The following SLC5A12 variants were observed in gnomAD, a reference collection of about 807,000 sequenced individuals.
SLC5A12 encodes the protein solute carrier family 5 member 12.
SLC5A12 carries 46 observed loss-of-function variants against 72.7 expected under a neutral mutation model. The observed-to-expected ratio is 0.63, with a 90% CI of 0.50 to 0.81. The LOEUF (loss-of-function observed/expected upper bound fraction) is 0.81, where lower values mean the gene tolerates loss of function less well. SLC5A12 is among the 30% of genes least tolerant of loss of function. The probability of loss-of-function intolerance (pLI) is 0.00; values close to 1 mark genes in which losing one functional copy is unlikely to be tolerated. For missense variants in SLC5A12, 683 were observed against 740.7 expected (o/e 0.92, Z 0.90); for synonymous variants, 275 against 264.4 (o/e 1.04, Z -0.39).
At chr11:26,695,314 CA>C (rs1222471200) in intron 8 of SLC5A12, among the ~76,000 whole-genome samples, 1 of 152,012 alleles carries the variant, frequency 6.6e-6, no homozygotes, top group Non-Finnish European at 1.5e-5. Context: ...TTCAAGTCAG[CA>C]GTGAAAAGAT....
At position 26,721,728 on chromosome 11, in the gene SLC5A12, A is replaced by G; in HGVS notation, c.-14T>C. On this transcript the variant is annotated 5_prime_UTR_variant, in exon 1 of 15. Transcript: ENST00000396005. ...CTTCACCTCCATATTGGAAAGTATG[A>G]CACCAGAGAGTTTCTTTCAACGAGG... is the stretch of plus-strand genomic sequence containing the variant. 6.2e-7 allele frequency: 1 copy of G among 1,602,094 alleles called. No homozygotes were observed. Among genetic ancestry groups the G allele is most frequent in the East Asian group, 2.2e-5 (1 of 44,790 alleles).
rs1273009501 is a variant in SLC5A12, at chr11:26,678,692, A to C, written c.1579+20T>G. 6.3e-7 allele frequency: 1 copy of C among 1,580,894 alleles called. No individual in the cohort carries two copies. The highest frequency in any genetic ancestry group is 2.2e-5 in the East Asian group (1 of 44,626). ...GAGCCCATATCTTCTTTAGTCCCAA[A>C]GGGAGGAATTATAACCAACCTGTTA... On this transcript the variant is annotated intron_variant, in intron 13 of 14. Transcript: ENST00000396005.
intron 6 of SLC5A12, among the ~76,000 whole-genome samples, chr11:26,699,172 A>G (rs1205509927): frequency 6.6e-6 from 1 of 152,190 alleles, no homozygotes; most frequent in African/African-American, 2.4e-5. Context: ...TGTTGTATTC[A>G]TTACTGTCCT....
At chr11:26,677,208 C>A (rs562743211) in intron 13 of SLC5A12, among the ~76,000 whole-genome samples, 4 of 151,882 alleles carry the variant, frequency 2.6e-5, no homozygotes, top group Non-Finnish European at 5.9e-5. Flanking sequence ...TTAGAGTGTT[C>A]GCTTTTGGCC....
chr11:26,715,554 G>A (rs1002977747), intron 1 of SLC5A12, among the ~76,000 whole-genome samples: 2 of 152,046 alleles, frequency 1.3e-5, no homozygotes, highest in African/African-American at 4.8e-5. Context: ...GTTTCACGTT[G>A]CCACTTGTCT....
At chr11:26,709,436 AG>A in intron 3 of SLC5A12, 57 bp from the exon 4 acceptor site, 1 of 1,287,226 alleles carries the variant, frequency 7.8e-7, no homozygotes, top group Non-Finnish European at 1.1e-6. Context: ...TAAAAGAGCA[AG>A]TTTTATGAGG....
chr11:26,683,670 G>C, intron 11 of SLC5A12, 87 bp downstream of exon 11: 1 of 1,084,814 alleles, frequency 9.2e-7, no homozygotes, highest in Non-Finnish European at 1.4e-6. Flanking sequence ...AAGACAGATA[G>C]CTTTTCTAAA....
chr11:26,721,638 AC>A lies in SLC5A12; in HGVS notation c.76del (p.Val26CysfsTer23). 6.2e-7 allele frequency: 1 copy of A among 1,614,096 alleles called. No individual in the cohort carries two copies. Among genetic ancestry groups the A allele is most frequent in the Non-Finnish European group, 8.5e-7 (1 of 1,180,014 alleles). On this transcript the variant is annotated frameshift_variant, in exon 1 of 15. Coordinates refer to ENST00000396005, the MANE Select transcript of SLC5A12 (RefSeq NM_178498.4). LOFTEE classifies it high-confidence loss of function. ...TTTTCTCTCCTTAATGGCAAAGAAC[AC>A]CCCAATTCCAGAGGAAATGAAAAAG... is the stretch of plus-strand genomic sequence containing the variant. ...ALFFISSGIG[V>X]FFAIKERKKA...
At chr11:26,675,759 G>T (rs1325409575) in intron 13 of SLC5A12, among the ~76,000 whole-genome samples, 2 of 152,096 alleles carry the variant, frequency 1.3e-5, no homozygotes, top group African/African-American at 4.8e-5. Flanking sequence ...TTCCCCACAT[G>T]GTCCCTCTAC....
chr11:26,674,475 A>G (rs1485260999), intron 13 of SLC5A12, among the ~76,000 whole-genome samples: 4 of 151,994 alleles, frequency 2.6e-5, no homozygotes, highest in African/African-American at 9.7e-5. Context: ...TCTCGGCTCA[A>G]TGCAACCTCC....
chr11:26,699,768 T>C (rs1854914630), intron 6 of SLC5A12, among the ~76,000 whole-genome samples: 3 of 152,214 alleles, frequency 2.0e-5, no homozygotes, highest in African/African-American at 7.2e-5. Flanking sequence ...TGCTCTCTTG[T>C]CAGTTTCTAC....
chr11:26,670,160 C>T lies in SLC5A12; in HGVS notation c.*942G>A, dbSNP rs7945764. The T allele has an allele frequency of 0.28, 42,859 of 151,958 alleles. 6,216 individuals carry two copies. Among genetic ancestry groups the T allele is most frequent in the East Asian group, 0.46 (2,382 of 5,146 alleles). 9.4% of individuals were successfully genotyped at this position (151,958 alleles called of 1,614,324 possible). A position where few individuals can be genotyped will look rare whatever the true frequency, so the allele number is the denominator to read the frequency against. ...AGCTTGCTCACATGAGTTGAATGAG[C>T]AGAGTACAAGTCTTATGGACAATGT... is the stretch of plus-strand genomic sequence containing the variant. On this transcript the variant is annotated 3_prime_UTR_variant, in exon 15 of 15. Transcript: ENST00000396005.
At chr11:26,720,191 C>T (rs1193523268) in intron 1 of SLC5A12, among the ~76,000 whole-genome samples, 4 of 152,054 alleles carry the variant, frequency 2.6e-5, no homozygotes, top group South Asian at 4.2e-4. Flanking sequence ...CCTAGGGCTA[C>T]GAGAATGCCT....
At position 26,668,494 on chromosome 11, in the gene SLC5A12, G is replaced by T. The variant is rs1216660798; in HGVS notation, c.*2608C>A. Reference sequence around the variant, plus strand: ...GTCTTTGTACTGCACCAGTGGCCTTGGCATGACTCTGGGCTGCTAATCCTA... The same window carrying T: ...GTCTTTGTACTGCACCAGTGGCCTTTGCATGACTCTGGGCTGCTAATCCTA... On this transcript the variant is annotated 3_prime_UTR_variant, in exon 15 of 15. Transcript: ENST00000396005. The T allele has an allele frequency of 2.0e-5, 3 of 152,088 alleles. No individual in the cohort carries two copies. Among genetic ancestry groups the T allele is most frequent in the Non-Finnish European group, 4.4e-5 (3 of 68,018 alleles). The allele number at this position is 152,088 out of a possible 1,614,324, so 9.4% of individuals were successfully genotyped here.
At chr11:26,698,684 CT>C (rs1854887595) in intron 6 of SLC5A12, 149 bp from the exon 7 acceptor site, 1 of 622,702 alleles carries the variant, frequency 1.6e-6, no homozygotes, top group Admixed American at 3.7e-5. Flanking sequence ...ACACTTTATA[CT>C]TTTGCTATTT....
rs777025065 is a variant in SLC5A12 at position 26,712,675 on chromosome 11, C to T, written c.371G>A (p.Arg124His). The T allele has an allele frequency of 1.8e-5, 29 of 1,588,418 alleles. 1 individual carries two copies. Among genetic ancestry groups the T allele is most frequent in the East Asian group, 6.7e-5 (3 of 44,514 alleles). ...YLQLRFNKPV[R>H]YAATVIYIVQ... The stretch of plus-strand genomic sequence containing the variant: ...AATGTAGATGACCGTGGCAGCATAG[C>T]GAACTGGTTTGTTGAATCGTAGTTG... Residue 124 changes from arginine to histidine, a missense_variant, in exon 2 of 15, where the codon CGC (arginine) becomes CAC (histidine). Physicochemically the swap from Arg to His is conservative, Grantham distance 29 (BLOSUM62 0). Coordinates refer to ENST00000396005, the MANE Select transcript of SLC5A12 (RefSeq NM_178498.4).
chr11:26,716,406 T>A (rs909179675), intron 1 of SLC5A12: 1 of 152,202 alleles, frequency 6.6e-6, no homozygotes, highest in East Asian at 1.9e-4. Flanking sequence ...TCTGAAAGAA[T>A]TTATCCACTT....
intron 6 of SLC5A12, 127 bp from the exon 7 acceptor site, chr11:26,698,662 T>A: frequency 1.2e-6 from 1 of 804,690 alleles, no homozygotes; most frequent in East Asian, 2.7e-5. Flanking sequence ...TCTATAGCCT[T>A]TAAGAATCAC....
chr11:26,703,554 G>C lies in SLC5A12; in HGVS notation c.798C>G (p.Cys266Trp). The stretch of plus-strand genomic sequence containing the variant: ...ACAGCTTAGCATGCTTTTCTGTTTT[G>C]CAAGAGATGCATCGCTGAATAGTTG... ...NQSTIQRCISCKTEKHAKLAL... is the reference protein window; with the variant it reads ...NQSTIQRCISWKTEKHAKLAL... The change falls in exon 6 of 15, where the codon TGC becomes TGG. Residue 266 changes from cysteine to tryptophan, a missense_variant. Transcript: ENST00000396005. 6.2e-7 allele frequency: 1 copy of C among 1,613,608 alleles called. No homozygotes were observed. Among genetic ancestry groups the C allele is most frequent in the Middle Eastern group, 1.7e-4 (1 of 6,060 alleles).
Sources: gnomAD v4.1 joint callset for allele counts (sites outside exome capture counted in the v4.1 genomes callset) on GRCh38, gnomAD v4.1.1 for gene constraint, MANE v1.5 for transcripts, NCBI Gene and HGNC (gene_info 2026-07-23, HGNC 2026-07-21) for gene names.